Variants in PDE6A observed in about 807,000 individuals in gnomAD.
The protein encoded by PDE6A is rod cGMP-specific 3',5'-cyclic phosphodiesterase subunit alpha.
In PDE6A, 84 loss-of-function variants were observed where a neutral mutation model predicts 106.3. The observed-to-expected ratio is 0.79, with a 90% confidence interval of 0.66 to 0.95. The LOEUF (loss-of-function observed/expected upper bound fraction) is 0.95. Ranked by LOEUF, PDE6A falls within the 40% of genes least tolerant of loss-of-function variation. The pLI is 0.00. For missense variants in PDE6A, 1,052 were observed against 1,084.9 expected (o/e 0.97, Z 0.43); for synonymous variants, 394 against 386.6 (o/e 1.02, Z -0.23).
intron 17 of PDE6A, among the ~76,000 whole-genome samples, chr5:149,875,487 ATTTT>A (rs201444448): frequency 7.3e-6 from 1 of 137,852 alleles, no homozygotes; most frequent in Non-Finnish European, 1.6e-5. Flanking sequence ...CATACTGACT[ATTTT>A]TTTTTTTTTT....
Position 149,884,880 on chromosome 5 carries a change from G to A in PDE6A, c.1839-13C>T. Reference sequence around the variant, plus strand: ...TGGGTTCTGGGATCTGAATGAGAAAGAGAGAGAATCAATATGGAGTGGACA... The same window carrying A: ...TGGGTTCTGGGATCTGAATGAGAAAAAGAGAGAATCAATATGGAGTGGACA... On this transcript the variant is annotated splice_polypyrimidine_tract_variant and intron_variant, in intron 14 of 21. Coordinates refer to ENST00000255266, the MANE Select transcript of PDE6A (RefSeq NM_000440.3). 6.2e-7 allele frequency: 1 copy of A among 1,600,560 alleles called. No homozygotes were observed. The highest frequency in any genetic ancestry group is 8.6e-7 in the Non-Finnish European group (1 of 1,167,694).
chr5:149,870,980 A>G (rs1452755380), intron 17 of PDE6A, among the ~76,000 whole-genome samples: 1 of 152,126 alleles, frequency 6.6e-6, no homozygotes, highest in Admixed American at 6.5e-5. Flanking sequence ...AGAACCCAAA[A>G]GTGAAGGTGA....
rs754647492 is a variant in PDE6A, at chr5:149,898,470, G to A, written c.1300C>T (p.Pro434Ser). 3.1e-6 allele frequency: 5 copies of A among 1,613,680 alleles called. No homozygotes were observed. The South Asian group carries it at 5.5e-5, about 18-fold the overall frequency. Residue 434 changes from proline to serine, a missense_variant, in exon 10 of 22, where the codon CCT (proline) becomes TCT (serine). This residue lies in a region of PDE6A where 913 missense variants were observed against 915.2 expected (regional missense o/e 1.00). Coordinates refer to ENST00000255266, the MANE Select transcript of PDE6A (RefSeq NM_000440.3). ...TTATTCATTGACTCATAGGTGTCAGGATTTAAGACAGACCAGCCCAGAAAT... is the reference window on the plus strand; with the variant it reads ...TTATTCATTGACTCATAGGTGTCAGAATTTAAGACAGACCAGCCCAGAAAT... ...TQFLGWSVLNPDTYESMNKLE... is the reference protein window; with the variant it reads ...TQFLGWSVLNSDTYESMNKLE...
At chr5:149,874,395 C>T (rs1431021529) in intron 17 of PDE6A, among the ~76,000 whole-genome samples, 1 of 152,138 alleles carries the variant, frequency 6.6e-6, no homozygotes, top group Admixed American at 6.5e-5. Context: ...AAACACTTTA[C>T]TTACATTTTC....
At chr5:149,892,353 G>A (rs1752576089) in intron 13 of PDE6A, among the ~76,000 whole-genome samples, 1 of 152,032 alleles carries the variant, frequency 6.6e-6, no homozygotes, top group East Asian at 1.9e-4. Context: ...CCCTTGTGAG[G>A]AATTCTTGAG....
intron 17 of PDE6A, among the ~76,000 whole-genome samples, chr5:149,869,159 G>A (rs1760443235): frequency 6.6e-6 from 1 of 151,966 alleles, no homozygotes; most frequent in South Asian, 2.1e-4. Context: ...GTGAAACCCT[G>A]TCTCTACTAA....
At chr5:149,942,976 C>A (rs141055817) in intron 1 of PDE6A, among the ~76,000 whole-genome samples, 17 of 151,370 alleles carry the variant, frequency 1.1e-4, no homozygotes, top group Admixed American at 8.6e-4. Context: ...GAGACAGATG[C>A]CTTCCTCTTA....
At chr5:149,916,880 T>C (rs1753570355) in intron 5 of PDE6A, among the ~76,000 whole-genome samples, 1 of 152,160 alleles carries the variant, frequency 6.6e-6, no homozygotes, top group African/African-American at 2.4e-5. Flanking sequence ...CGCATCACTG[T>C]CACCTTGAAC....
At chr5:149,943,646 ATT>A (rs1431045805) in intron 1 of PDE6A, among the ~76,000 whole-genome samples, 3 of 152,132 alleles carry the variant, frequency 2.0e-5, no homozygotes, top group Non-Finnish European at 2.9e-5. Flanking sequence ...TCCACATTAC[ATT>A]TCTATGATTC....
intron 8 of PDE6A, among the ~76,000 whole-genome samples, chr5:149,901,211 T>C (rs566787616): frequency 1.3e-4 from 20 of 152,174 alleles, no homozygotes; most frequent in Admixed American, 1.2e-3. Flanking sequence ...CCATCGCACC[T>C]GGCCCAACCT....
chr5:149,910,697 G>T (rs569237247), intron 6 of PDE6A, among the ~76,000 whole-genome samples: 1 of 152,122 alleles, frequency 6.6e-6, no homozygotes, highest in Non-Finnish European at 1.5e-5. Flanking sequence ...AAAATTACAG[G>T]AGACCATTGT....
chr5:149,898,226 G>A, intron 10 of PDE6A, 137 bp downstream of exon 10: 1 of 728,928 alleles, frequency 1.4e-6, no homozygotes, highest in Non-Finnish European at 2.4e-6. Flanking sequence ...CCCTGTGCTA[G>A]GCAGGAAGGA....
Position 149,863,301 on chromosome 5 carries a change from C to T in PDE6A, c.2359-35G>A. ...AGAGTATGTGCCTCTGGTGCAAGGG[C>T]CAGGCCACAGGGTCTGGGCTCAAGC... On this transcript the variant is annotated intron_variant, in intron 20 of 21. Transcript: ENST00000255266. This position sits in a 1 kb window ranked among gnomAD's most constrained non-coding sequence, Gnocchi z 4.7. 2 of 1,612,574 alleles carry T rather than the reference C, an allele frequency of 1.2e-6. No individual in the cohort carries two copies. The highest frequency in any genetic ancestry group is 8.5e-7 in the Non-Finnish European group (1 of 1,178,736).
chr5:149,928,227 A>ATTTTTTTTTTTTTTTT (rs1561778751), intron 4 of PDE6A, among the ~76,000 whole-genome samples: 1 of 26,488 alleles, frequency 3.8e-5, no homozygotes, highest in Non-Finnish European at 6.8e-5. Context: ...ATATATATAT[A>ATTTTTTTTTTTTTTTT]TATATTTTTT....
intron 17 of PDE6A, among the ~76,000 whole-genome samples, chr5:149,879,338 T>C (rs1373686709): frequency 1.3e-5 from 2 of 152,068 alleles, no homozygotes; most frequent in African/African-American, 4.8e-5. Context: ...TCCCAAAGTG[T>C]TGGGATTACA....
Position 149,879,754 on chromosome 5 carries a change from C to G in PDE6A, c.2135+3675G>C, listed in dbSNP as rs181906612. Among the ~76,000 whole-genome samples, 1,469 of 152,106 alleles carry G rather than the reference C, an allele frequency of 9.7e-3. 26 individuals carry two copies. Among genetic ancestry groups the G allele is most frequent in the South Asian group, 0.062 (296 of 4,796 alleles). The stretch of plus-strand genomic sequence containing the variant: ...TCCATGTCCCTACAAAGGACATGAA[C>G]TCAACATTTTTTATGGCTGCATAGT... On this transcript the variant is annotated intron_variant, in intron 17 of 21. Transcript: ENST00000255266.
At chr5:149,865,962 C>G (rs887530672) in intron 20 of PDE6A, among the ~76,000 whole-genome samples, 7 of 152,224 alleles carry the variant, frequency 4.6e-5, no homozygotes, top group African/African-American at 1.7e-4. Context: ...TATTAAGCAA[C>G]TAGGATGTAC....
At chr5:149,911,093 C>T (rs575263325) in intron 6 of PDE6A, among the ~76,000 whole-genome samples, 1 of 151,958 alleles carries the variant, frequency 6.6e-6, no homozygotes, top group South Asian at 2.1e-4. Context: ...ATTGCCCAGG[C>T]TGGTCTCAAA....
At position 149,944,290 on chromosome 5, in the gene PDE6A, G is replaced by C; in HGVS notation, c.384C>G (p.Pro128=). The part of the protein sequence containing the change: ...DAVLEDCLVM[P]DQEIVFPLDM... The stretch of plus-strand genomic sequence containing the variant: ...CCAAAGGGAAGACGATCTCTTGGTC[G>C]GGCATCACCAGGCAGTCCTCGAGGA... The change falls in exon 1 of 22, where the codon CCC becomes CCG. Residue 128 remains proline (P), a synonymous_variant. Coordinates refer to ENST00000255266, the MANE Select transcript of PDE6A (RefSeq NM_000440.3). The C allele has an allele frequency of 6.2e-7, 1 of 1,613,918 alleles. No individual in the cohort carries two copies. Among genetic ancestry groups the C allele is most frequent in the Non-Finnish European group, 8.5e-7 (1 of 1,179,984 alleles).
Sources: gnomAD v4.1 joint callset for allele counts (sites outside exome capture counted in the v4.1 genomes callset) on GRCh38, gnomAD v4.1.1 for gene constraint, gnomAD v4.1.1 regional missense constraint, Gnocchi (gnomAD v3.1) non-coding constraint, MANE v1.5 for transcripts, NCBI Gene and HGNC (gene_info 2026-07-23, HGNC 2026-07-21) for gene names.